KLHL12: variants seen among roughly 807,000 people sequenced by gnomAD.
KLHL12 encodes kelch like family member 12, also known as kelch-like protein 12.
Under a neutral mutation model 60.8 loss-of-function variants are expected in KLHL12, and 17 were observed. The ratio of observed to expected loss-of-function variants is 0.28; its 90% confidence interval spans 0.19 to 0.42. The LOEUF is 0.42. Ranked by LOEUF, KLHL12 falls within the 10% of genes least tolerant of loss-of-function variation. KLHL12 has a pLI of 1.00. For missense variants in KLHL12, 468 were observed against 722.3 expected (o/e 0.65, Z 4.04); for synonymous variants, 220 against 250.9 (o/e 0.88, Z 1.16).
intron 1 of KLHL12, among the ~76,000 whole-genome samples, chr1:202,925,486 A>G (rs1195467511): frequency 6.6e-6 from 1 of 152,222 alleles, no homozygotes; most frequent in Non-Finnish European, 1.5e-5. Context: ...GATAAACAAT[A>G]TATGTCTTGT....
intron 2 of KLHL12, among the ~76,000 whole-genome samples, chr1:202,920,949 T>G (rs1571542969): frequency 6.6e-6 from 1 of 152,194 alleles, no homozygotes; most frequent in Non-Finnish European, 1.5e-5. Context: ...TAGAGGAGCC[T>G]GTGGGTTATA....
Position 202,895,808 on chromosome 1 carries a change from C to T in KLHL12, c.940-91G>A. The T allele has an allele frequency of 1.1e-6, 1 of 903,122 alleles. No homozygotes were observed. Among genetic ancestry groups the T allele is most frequent in the Non-Finnish European group, 1.7e-6 (1 of 577,904 alleles). The allele number at this position is 903,122 out of a possible 1,614,324, so 55.9% of individuals were successfully genotyped here. Reference sequence around the variant, plus strand: ...CTATCTTCCCTGTTGTATCTGCACACCTCTCTGCTTCTTCACCTGTCATCA... The same window carrying T: ...CTATCTTCCCTGTTGTATCTGCACATCTCTCTGCTTCTTCACCTGTCATCA... On this transcript the variant is annotated intron_variant, in intron 7 of 11. Transcript: ENST00000367261. The surrounding 1 kb of genome is among the most constrained non-coding windows in gnomAD (Gnocchi z 4.2).
intron 2 of KLHL12, among the ~76,000 whole-genome samples, chr1:202,920,429 T>G (rs910316765): frequency 5.3e-4 from 67 of 126,108 alleles, no homozygotes; most frequent in African/African-American, 1.9e-3. Flanking sequence ...CAGGCTGGAG[T>G]GCAGTGGTGC....
At chr1:202,922,371 T>C (rs563048767) in intron 2 of KLHL12, among the ~76,000 whole-genome samples, 7 of 147,672 alleles carry the variant, frequency 4.7e-5, no homozygotes, top group African/African-American at 1.8e-4. Context: ...ATCGAGACCA[T>C]CCTGGCTAAC....
intron 6 of KLHL12, among the ~76,000 whole-genome samples, chr1:202,907,328 A>G (rs1259252425): frequency 6.6e-6 from 1 of 152,294 alleles, no homozygotes; most frequent in African/African-American, 2.4e-5. Context: ...GGAGCCAGGC[A>G]TGGTGGCTCA....
chr1:202,927,018 G>C (rs150359643), intron 1 of KLHL12, 71 bp downstream of exon 1: 1 of 962,890 alleles, frequency 1.0e-6, no homozygotes, highest in East Asian at 1.2e-4. Flanking sequence ...AAGGATGGGG[G>C]GTAGGGCCAT....
chr1:202,909,208 C>T lies in KLHL12; in HGVS notation c.718-84G>A. 1.2e-6 allele frequency: 1 copy of T among 840,808 alleles called. No homozygotes were observed. Among genetic ancestry groups the T allele is most frequent in the Non-Finnish European group, 1.9e-6 (1 of 519,758 alleles). 52.1% of individuals were successfully genotyped at this position (840,808 alleles called of 1,614,324 possible). The stretch of plus-strand genomic sequence containing the variant: ...ACAAAGAGCACATGCAAATAATTAA[C>T]TTCTGACTACAGAAAACCAGTTTGC... On this transcript the variant is annotated intron_variant, in intron 5 of 11. Coordinates refer to ENST00000367261, the MANE Select transcript of KLHL12 (RefSeq NM_021633.4). This position sits in a 1 kb window ranked among gnomAD's most constrained non-coding sequence, Gnocchi z 4.1.
chr1:202,914,096 A>G (rs764515708), intron 4 of KLHL12, among the ~76,000 whole-genome samples: 1 of 152,212 alleles, frequency 6.6e-6, no homozygotes, highest in African/African-American at 2.4e-5. Flanking sequence ...GAAGCTGGAG[A>G]GTTAAGCAAG....
rs1043945307 is a variant in KLHL12, at chr1:202,927,140, G to C, written c.-97C>G. 3.0e-6 allele frequency: 3 copies of C among 985,466 alleles called. No homozygotes were observed. Among genetic ancestry groups the C allele is most frequent in the Non-Finnish European group, 3.6e-6 (3 of 829,996 alleles). The allele number at this position is 985,466 out of a possible 1,614,324, so 61.0% of individuals were successfully genotyped here. ...ACCGGGCCCGTCCCCAGCCTGTGGG[G>C]ATGGAGTGCGGCGCGGGGCTAGCAG... On this transcript the variant is annotated 5_prime_UTR_variant, in exon 1 of 12. It adds an upstream start codon to the 5' untranslated region. Transcript: ENST00000367261.
intron 6 of KLHL12, among the ~76,000 whole-genome samples, chr1:202,904,896 G>A (rs371891349): frequency 2.0e-5 from 3 of 152,162 alleles, no homozygotes; most frequent in African/African-American, 7.2e-5. Context: ...GACAGTAATG[G>A]GTAAGGTTAA....
At position 202,909,691 on chromosome 1, in the gene KLHL12, G is replaced by A. The variant is rs541046152; in HGVS notation, c.718-567C>T. Among the ~76,000 whole-genome samples the A allele has an allele frequency of 6.6e-6, 1 of 152,082 alleles. No individual in the cohort carries two copies. The highest frequency in any genetic ancestry group is 1.5e-5 in the Non-Finnish European group (1 of 68,026). ...CTCAGAAGACTGGCCTATATGAACT[G>A]TGTCAATAGGGCTTCCTATGCCTTC... is the stretch of plus-strand genomic sequence containing the variant. On this transcript the variant is annotated intron_variant, in intron 5 of 11. Transcript: ENST00000367261. The surrounding 1 kb of genome is among the most constrained non-coding windows in gnomAD (Gnocchi z 4.1).
At chr1:202,927,301 G>A (rs1653634031), upstream of KLHL12, 2 of 983,684 alleles carry the variant, frequency 2.0e-6, no homozygotes, top group Non-Finnish European at 2.4e-6. Flanking sequence ...CCGCTCCAGA[G>A]TCTGCGTCAC....
intron 3 of KLHL12, among the ~76,000 whole-genome samples, chr1:202,918,979 G>A (rs1196493684): frequency 6.6e-6 from 1 of 152,180 alleles, no homozygotes; most frequent in African/African-American, 2.4e-5. Flanking sequence ...GACCAGGAAC[G>A]GTGGCTCGTG....
intron 6 of KLHL12, among the ~76,000 whole-genome samples, chr1:202,906,083 T>G (rs1410052856): frequency 6.9e-6 from 1 of 144,806 alleles, no homozygotes; most frequent in African/African-American, 2.5e-5. Context: ...CCTCCCAAAG[T>G]GCTGGGATTA....
intron 4 of KLHL12, 133 bp from the exon 5 acceptor site, chr1:202,911,336 G>T: frequency 9.7e-7 from 1 of 1,028,096 alleles, no homozygotes; most frequent in Non-Finnish European, 1.4e-6. Flanking sequence ...TCCAGAAATA[G>T]CTAGGCTCTT....
At chr1:202,916,265 T>C (rs1047467903) in intron 4 of KLHL12, among the ~76,000 whole-genome samples, 1 of 152,216 alleles carries the variant, frequency 6.6e-6, no homozygotes, top group African/African-American at 2.4e-5. Context: ...TCCTCTACAG[T>C]TGGAACCAAT....
rs1557998501 is a variant in KLHL12, at chr1:202,918,159, A to T, written c.567+12T>A. On this transcript the variant is annotated intron_variant, in intron 4 of 11. Coordinates refer to ENST00000367261, the MANE Select transcript of KLHL12 (RefSeq NM_021633.4). ...ATCTTGAAGAAACCATAACATCAAGACAAATCCGTACCTGAATTTCGTCGC... is the reference window on the plus strand; with the variant it reads ...ATCTTGAAGAAACCATAACATCAAGTCAAATCCGTACCTGAATTTCGTCGC... 6.3e-7 allele frequency: 1 copy of T among 1,596,652 alleles called. No homozygotes were observed. Among genetic ancestry groups the T allele is most frequent in the Admixed American group, 1.7e-5 (1 of 59,856 alleles).
upstream of KLHL12, chr1:202,927,407 G>A (rs1185006415): frequency 8.1e-6 from 3 of 370,258 alleles, no homozygotes; most frequent in African/African-American, 6.7e-5. Flanking sequence ...GGTGGGCAGG[G>A]AATGGTGGCT....
Position 202,892,654 on chromosome 1 carries a change from T to C in KLHL12, c.1586A>G (p.Asp529Gly). Residue 529 changes from aspartate (D) to glycine (G), a missense_variant, in exon 12 of 12, where the codon GAT (aspartate) becomes GGT (glycine). By Grantham distance (94) the Asp-to-Gly change is moderately conservative. Transcript: ENST00000367261. ...AATGCTACTTAGCAGGGAATTACCATCATATCTGAGTGGGAAAGAAGCAAA... is the reference window on the plus strand; with the variant it reads ...AATGCTACTTAGCAGGGAATTACCACCATATCTGAGTGGGAAAGAAGCAAA... The part of the protein sequence containing the change: ...RGRLYAIAGY[D>G]GNSLLSSIEC... The C allele has an allele frequency of 6.2e-7, 1 of 1,613,742 alleles. No homozygotes were observed. The highest frequency in any genetic ancestry group is 8.5e-7 in the Non-Finnish European group (1 of 1,179,804).
Sources: gnomAD v4.1 joint callset for allele counts (sites outside exome capture counted in the v4.1 genomes callset) on GRCh38, gnomAD v4.1.1 for gene constraint, Gnocchi (gnomAD v3.1) non-coding constraint, MANE v1.5 for transcripts, NCBI Gene and HGNC (gene_info 2026-07-23, HGNC 2026-07-21) for gene names.